ZNF521: variants seen among roughly 807,000 people sequenced by gnomAD.
ZNF521 encodes LYST-interacting protein 3.
A neutral mutation model predicts 105.5 loss-of-function variants in ZNF521; 14 were observed. That is an observed-to-expected ratio of 0.13 (90% CI 0.09 to 0.21). ZNF521 has a LOEUF of 0.21. ZNF521 is among the 10% of genes least tolerant of loss of function. The pLI, the probability that ZNF521 is intolerant of heterozygous loss-of-function variation, is 1.00. For synonymous variants in ZNF521, 635 were observed against 606.0 expected (o/e 1.05, Z -0.70); for missense variants, 1,233 against 1,629.7 (o/e 0.76, Z 4.19).
chr18:25,078,455 C>T (rs754297898), intron 7 of ZNF521, among the ~76,000 whole-genome samples: 1 of 152,154 alleles, frequency 6.6e-6, no homozygotes, highest in Non-Finnish European at 1.5e-5. Flanking sequence ...ATGAACGAGA[C>T]GATGTGACTA....
intron 4 of ZNF521, among the ~76,000 whole-genome samples, chr18:25,217,713 AAT>A: frequency 6.6e-6 from 1 of 152,236 alleles, no homozygotes; most frequent in African/African-American, 2.4e-5. Context: ...AGGTACCAAG[AAT>A]ATGAGACTGA....
chr18:25,096,745 C>CT (rs1443265827), intron 5 of ZNF521, among the ~76,000 whole-genome samples: 1 of 152,126 alleles, frequency 6.6e-6, no homozygotes, highest in East Asian at 1.9e-4. Context: ...CTCCTTCTCC[C>CT]TTTTACCCTC....
At chr18:25,063,966 G>A (rs541741559) in intron 7 of ZNF521, among the ~76,000 whole-genome samples, 108 of 152,332 alleles carry the variant, frequency 7.1e-4, no homozygotes, top group African/African-American at 2.5e-3. Flanking sequence ...CTTAGGTCTT[G>A]TCTCATGATT....
chr18:25,224,082 C>T (rs747177389), intron 4 of ZNF521: 3 of 424,254 alleles, frequency 7.1e-6, no homozygotes, highest in South Asian at 3.8e-5. Context: ...TTGGCATGAG[C>T]GCTGGTCTCT....
chr18:25,173,268 G>A (rs2035478749), intron 5 of ZNF521, among the ~76,000 whole-genome samples: 1 of 152,146 alleles, frequency 6.6e-6, no homozygotes, highest in South Asian at 2.1e-4. Flanking sequence ...CAGGGGATAG[G>A]TGCTGGTTTG....
At chr18:25,120,387 A>AGCCT (rs570895647) in intron 5 of ZNF521, among the ~76,000 whole-genome samples, 1 of 152,314 alleles carries the variant, frequency 6.6e-6, no homozygotes, top group South Asian at 2.1e-4. Context: ...GTTCAAGACC[A>AGCCT]GCCTGGCCAA....
At chr18:25,182,430 G>A (rs1266536109) in intron 5 of ZNF521, among the ~76,000 whole-genome samples, 1 of 152,090 alleles carries the variant, frequency 6.6e-6, no homozygotes, top group Non-Finnish European at 1.5e-5. Context: ...CTGGAAAATG[G>A]GATTTTCTAC....
chr18:25,282,954 G>A (rs2144994933), intron 3 of ZNF521, among the ~76,000 whole-genome samples: 1 of 152,322 alleles, frequency 6.6e-6, no homozygotes, highest in Non-Finnish European at 1.5e-5. Flanking sequence ...AAGTGTTTCA[G>A]TGAATCCTTA....
At chr18:25,168,352 C>A (rs777977919) in intron 5 of ZNF521, among the ~76,000 whole-genome samples, 1 of 152,188 alleles carries the variant, frequency 6.6e-6, no homozygotes, top group African/African-American at 2.4e-5. Flanking sequence ...GCTCCACATA[C>A]GACAGCCATT....
In ZNF521 at chr18:25,322,053, G is replaced by A. The variant is rs759818586; in HGVS notation, c.175C>T (p.Leu59=). Residue 59 remains leucine (L), a synonymous_variant, in exon 3 of 8, where the codon CTG becomes TTG. Transcript: ENST00000361524. ...ATCTTGTGTTCTGTGATATCGCTCA[G>A]CGATTCAAACACCTGGAGGCAGCTG... The part of the protein sequence containing the change: ...CDSCLQVFES[L]SDITEHKINQ... The A allele has an allele frequency of 6.2e-7, 1 of 1,614,166 alleles. No individual in the cohort carries two copies. The highest frequency in any genetic ancestry group is 8.5e-7 in the Non-Finnish European group (1 of 1,180,042).
At chr18:25,085,566 A>AC (rs2033602257) in intron 7 of ZNF521, among the ~76,000 whole-genome samples, 1 of 151,834 alleles carries the variant, frequency 6.6e-6, no homozygotes, top group Non-Finnish European at 1.5e-5. Flanking sequence ...GTAACACACC[A>AC]CTATATATAT....
At chr18:25,244,546 T>G (rs901707344) in intron 3 of ZNF521, among the ~76,000 whole-genome samples, 1 of 152,168 alleles carries the variant, frequency 6.6e-6, no homozygotes, top group South Asian at 2.1e-4. Context: ...CCCAGAGTCT[T>G]TGTTCTGGAA....
chr18:25,195,227 G>A lies in ZNF521; in HGVS notation c.3591C>T (p.Cys1197=), dbSNP rs757057157. ...TGTAGAAAACCATCTGACACTTGATGCATTGATAGGTCTTCTTCTGAGAAA... is the reference window on the plus strand; with the variant it reads ...TGTAGAAAACCATCTGACACTTGATACATTGATAGGTCTTCTTCTGAGAAA... ...SQSDEKKTYQ[C]IKCQMVFYNE... is the part of the protein sequence containing the mutation. The change falls in exon 5 of 8, where the codon TGC becomes TGT. Residue 1197 remains cysteine (C), a synonymous_variant. Coordinates refer to ENST00000361524, the MANE Select transcript of ZNF521 (RefSeq NM_015461.3). The A allele has an allele frequency of 6.3e-7, 1 of 1,593,924 alleles. No individual in the cohort carries two copies. The highest frequency in any genetic ancestry group is 1.1e-5 in the South Asian group (1 of 87,704).
chr18:25,345,953 T>C (rs183044306), intron 2 of ZNF521, among the ~76,000 whole-genome samples: 3 of 152,322 alleles, frequency 2.0e-5, no homozygotes, highest in African/African-American at 7.2e-5. Context: ...CCAATTAGTA[T>C]TTTTGCCTGT....
chr18:25,291,074 T>C (rs972607391), intron 3 of ZNF521, among the ~76,000 whole-genome samples: 2 of 152,152 alleles, frequency 1.3e-5, no homozygotes, highest in Non-Finnish European at 2.9e-5. Context: ...AAACTATTAA[T>C]ACACTTGCCA....
chr18:25,075,133 T>C (rs561125432), intron 7 of ZNF521, among the ~76,000 whole-genome samples: 1 of 152,194 alleles, frequency 6.6e-6, no homozygotes, highest in Non-Finnish European at 1.5e-5. Flanking sequence ...CTGCCATGCA[T>C]AAAGGGCCAG....
chr18:25,095,995 A>G (rs2144235166), intron 5 of ZNF521, among the ~76,000 whole-genome samples: 1 of 152,296 alleles, frequency 6.6e-6, no homozygotes, highest in African/African-American at 2.4e-5. Context: ...GAAGCCAGCA[A>G]CTTCCTGTCT....
chr18:25,340,742 T>C (rs1261608976), intron 2 of ZNF521, among the ~76,000 whole-genome samples: 2 of 152,154 alleles, frequency 1.3e-5, no homozygotes, highest in African/African-American at 2.4e-5. Flanking sequence ...GCACTTAGTA[T>C]AGGGCAGGCA....
At chr18:25,191,314 A>C (rs1159255460) in intron 5 of ZNF521, among the ~76,000 whole-genome samples, 1 of 152,198 alleles carries the variant, frequency 6.6e-6, no homozygotes, top group East Asian at 1.9e-4. Flanking sequence ...GGAAATGGCC[A>C]CAGCTATATC....
Sources: gnomAD v4.1 joint callset for allele counts (sites outside exome capture counted in the v4.1 genomes callset) on GRCh38, gnomAD v4.1.1 for gene constraint, MANE v1.5 for transcripts, NCBI Gene and HGNC (gene_info 2026-07-23, HGNC 2026-07-21) for gene names.